Variants in TPD52 observed in about 807,000 individuals in gnomAD.
The protein encoded by TPD52 is prostate and colon associated protein.
In TPD52, 17 loss-of-function variants were observed where a neutral mutation model predicts 31.3. The ratio of observed to expected loss-of-function variants is 0.54; its 90% CI spans 0.37 to 0.82. The LOEUF (loss-of-function observed/expected upper bound fraction) is 0.82. Among genes scored for constraint, TPD52 ranks in the 40% least tolerant of loss-of-function variants. The pLI, the probability that TPD52 is intolerant of heterozygous loss-of-function variation, is 0.00. For synonymous variants in TPD52, 83 were observed against 89.6 expected (o/e 0.93, Z 0.42); for missense variants, 212 against 240.1 (o/e 0.88, Z 0.77).
Position 80,170,971 on chromosome 8 carries a change from TAGA to T in TPD52, c.19+451_19+453del, listed in dbSNP as rs774994596. 2.2e-5 allele frequency: 8 copies of T among 365,332 alleles called. No individual in the cohort carries two copies. In the East Asian group the frequency reaches 5.2e-4, roughly 24 times the overall value. The allele number at this position is 365,332 out of a possible 1,614,324, so 22.6% of individuals were successfully genotyped here. ...ACCAAAAATCCTAACCACCTGAACT[TAGA>T]AGAAGGCAGAAAGTCTTAATTTATG... On this transcript the variant is annotated intron_variant, in intron 1 of 7. Transcript: ENST00000518937.
intron 1 of TPD52, among the ~76,000 whole-genome samples, chr8:80,140,950 C>CATGTGTGTGT (rs1554593073): frequency 1.4e-5 from 2 of 143,778 alleles, no homozygotes; most frequent in East Asian, 4.1e-4. Flanking sequence ...CAATACAACT[C>CATGTGTGTGT]GTGTGTGTGT....
chr8:80,161,341 C>A (rs1373027961), intron 1 of TPD52, among the ~76,000 whole-genome samples: 1 of 152,158 alleles, frequency 6.6e-6, no homozygotes, highest in Non-Finnish European at 1.5e-5. Flanking sequence ...TATCTCCCTG[C>A]CAAACCATGT....
chr8:80,041,770 G>A (rs1810406360), intron 7 of TPD52, among the ~76,000 whole-genome samples: 1 of 152,066 alleles, frequency 6.6e-6, no homozygotes. Flanking sequence ...TCCAACAATT[G>A]AGGACTGAAC....
At chr8:80,119,354 G>T (rs1322510251) in intron 1 of TPD52, among the ~76,000 whole-genome samples, 2 of 152,154 alleles carry the variant, frequency 1.3e-5, no homozygotes, top group African/African-American at 2.4e-5. Flanking sequence ...TGTTGTACAA[G>T]TATCTGGATA....
intron 1 of TPD52, among the ~76,000 whole-genome samples, chr8:80,078,392 CTT>C: frequency 6.6e-6 from 1 of 152,344 alleles, no homozygotes; most frequent in South Asian, 2.1e-4. Flanking sequence ...GCCACAAGAA[CTT>C]TTAATGGATT....
chr8:80,051,660 G>C, intron 3 of TPD52, 32 bp from the exon 4 acceptor site: 1 of 1,520,586 alleles, frequency 6.6e-7, no homozygotes, highest in African/African-American at 1.4e-5. Context: ...CAGAGCAAAA[G>C]AAGGGTCAGC....
chr8:80,070,609 C>T (rs534520503), intron 1 of TPD52, among the ~76,000 whole-genome samples: 257 of 152,246 alleles, frequency 1.7e-3, no homozygotes, highest in African/African-American at 3.1e-3. Context: ...AGAGCTCAGG[C>T]GGTAATGCTC....
At chr8:80,109,677 G>T (rs1807374371) in intron 1 of TPD52, among the ~76,000 whole-genome samples, 2 of 152,184 alleles carry the variant, frequency 1.3e-5, no homozygotes. Flanking sequence ...AAAGTGCTGG[G>T]ATGACAGGTG....
At chr8:80,108,500 G>A (rs1325561213) in intron 1 of TPD52, among the ~76,000 whole-genome samples, 2 of 152,114 alleles carry the variant, frequency 1.3e-5, no homozygotes, top group Non-Finnish European at 2.9e-5. Flanking sequence ...TCCATAGGCA[G>A]TTATTGTTTT....
chr8:80,105,506 A>T (rs1224993626), intron 1 of TPD52, among the ~76,000 whole-genome samples: 1 of 152,012 alleles, frequency 6.6e-6, no homozygotes, highest in Non-Finnish European at 1.5e-5. Context: ...GGACCCCCTT[A>T]GAGTTGTAAG....
intron 1 of TPD52, among the ~76,000 whole-genome samples, chr8:80,156,647 C>G (rs1314336186): frequency 1.3e-5 from 2 of 151,850 alleles, no homozygotes; most frequent in African/African-American, 2.4e-5. Context: ...TTTAGATGGC[C>G]CAGGAAAAAG....
At chr8:80,142,278 T>C (rs1016387905) in intron 1 of TPD52, among the ~76,000 whole-genome samples, 2 of 152,190 alleles carry the variant, frequency 1.3e-5, no homozygotes, top group Non-Finnish European at 2.9e-5. Context: ...AGCCTAGTCA[T>C]ATCAGAGATT....
chr8:80,108,299 T>C (rs1206962163), intron 1 of TPD52, among the ~76,000 whole-genome samples: 2 of 152,148 alleles, frequency 1.3e-5, no homozygotes, highest in Admixed American at 1.3e-4. Flanking sequence ...TAAGAAGGAG[T>C]GACTTAAATA....
At chr8:80,064,794 T>G (rs1812941114) in intron 1 of TPD52, 1 of 689,092 alleles carries the variant, frequency 1.5e-6, no homozygotes, top group Non-Finnish European at 2.7e-6. Context: ...AAGTAGACTC[T>G]GCCAAAATAT....
At chr8:80,042,052 GCACTC>G (rs1810440602) in intron 7 of TPD52, 2 of 433,684 alleles carry the variant, frequency 4.6e-6, no homozygotes, top group African/African-American at 4.4e-5. Context: ...TCACGCCACT[GCACTC>G]CAGCCTGGGC....
At chr8:80,155,471 T>C (rs1277720073) in intron 1 of TPD52, among the ~76,000 whole-genome samples, 3 of 152,136 alleles carry the variant, frequency 2.0e-5, no homozygotes, top group Non-Finnish European at 4.4e-5. Flanking sequence ...GCTGGATTTC[T>C]GCAAGGCTCA....
At chr8:80,062,423 A>C (rs903161540) in intron 2 of TPD52, among the ~76,000 whole-genome samples, 1 of 152,214 alleles carries the variant, frequency 6.6e-6, no homozygotes, top group Non-Finnish European at 1.5e-5. Context: ...AAGAGCCAAC[A>C]CTATAAAAGT....
chr8:80,119,710 C>T (rs1808120139), intron 1 of TPD52: 1 of 170,802 alleles, frequency 5.9e-6, no homozygotes, highest in Non-Finnish European at 1.3e-5. Flanking sequence ...GAATATATGG[C>T]CTTTAAAACC....
rs560531414 is a variant in TPD52, at chr8:80,090,673, GA to G, written c.20-26081del. ...TCCTTTATTTTCCATCCCAATGGGG[GA>G]AAAAAGACTATTATAGCACAGTATT... On this transcript the variant is annotated intron_variant, in intron 1 of 7. Coordinates refer to ENST00000518937, the MANE Select transcript of TPD52 (RefSeq NM_001025253.3). 1.7e-4 allele frequency among the ~76,000 whole-genome samples: 26 copies of G among 148,986 alleles called. No individual in the cohort carries two copies. In the South Asian group the frequency reaches 5.1e-3, roughly 29 times the overall value.
Sources: gnomAD v4.1 joint callset for allele counts (sites outside exome capture counted in the v4.1 genomes callset) on GRCh38, gnomAD v4.1.1 for gene constraint, MANE v1.5 for transcripts, NCBI Gene and HGNC (gene_info 2026-07-23, HGNC 2026-07-21) for gene names.